The following TBC1D22A variants were observed in gnomAD, a reference collection of about 807,000 sequenced individuals.
TBC1D22A encodes putative GTPase activator.
In TBC1D22A, 38 loss-of-function variants were observed where a neutral mutation model predicts 60.2. The ratio of observed to expected loss-of-function variants is 0.63; its 90% confidence interval spans 0.49 to 0.83. TBC1D22A has a LOEUF of 0.83. TBC1D22A is among the 40% of genes least tolerant of loss of function. The pLI, the probability that TBC1D22A is intolerant of heterozygous loss-of-function variation, is 0.00. For synonymous variants in TBC1D22A, 302 were observed against 281.7 expected, an observed-to-expected ratio of 1.07 and a Z score of -0.72; for missense variants, 628 against 701.0, an observed-to-expected ratio of 0.90 and a Z score of 1.18.
intron 7 of TBC1D22A, among the ~76,000 whole-genome samples, chr22:46,906,326 G>T (rs2069462024): frequency 6.6e-6 from 1 of 152,234 alleles, no homozygotes. Flanking sequence ...AGCCTGCCCA[G>T]AATAAATGTT....
chr22:47,018,621 C>T (rs1288696710), intron 10 of TBC1D22A, among the ~76,000 whole-genome samples: 7 of 152,066 alleles, frequency 4.6e-5, no homozygotes, highest in Non-Finnish European at 4.4e-5. Flanking sequence ...TGGGCCACGT[C>T]GCTGAGCACC....
intron 4 of TBC1D22A, among the ~76,000 whole-genome samples, chr22:46,851,456 GC>G (rs997926654): frequency 6.6e-6 from 1 of 152,260 alleles, no homozygotes; most frequent in Admixed American, 6.5e-5. Context: ...GAGTGCCTGT[GC>G]CCGAGAGCCT....
At chr22:46,984,649 A>G (rs1469079439) in intron 9 of TBC1D22A, among the ~76,000 whole-genome samples, 19 of 152,176 alleles carry the variant, frequency 1.2e-4, no homozygotes. Flanking sequence ...AGTCATTTAC[A>G]TTTCCTTTCC....
intron 10 of TBC1D22A, among the ~76,000 whole-genome samples, chr22:47,027,836 G>A (rs1482094774): frequency 6.6e-6 from 1 of 152,158 alleles, no homozygotes; most frequent in Non-Finnish European, 1.5e-5. Context: ...CAGAAGTGCG[G>A]GCTGCGACAG....
At chr22:46,797,660 C>T in intron 4 of TBC1D22A, 40 bp downstream of exon 4, 6 of 1,535,298 alleles carry the variant, frequency 3.9e-6, no homozygotes, top group Non-Finnish European at 5.3e-6. Context: ...ACAGACATTT[C>T]TTGCTGTTTC....
chr22:47,003,119 C>A (rs1329245833), intron 10 of TBC1D22A, among the ~76,000 whole-genome samples: 1 of 152,126 alleles, frequency 6.6e-6, no homozygotes, highest in African/African-American at 2.4e-5. Flanking sequence ...AAATAGAGAA[C>A]GTCTAGTTAA....
At position 46,990,758 on chromosome 22, in the gene TBC1D22A, C is replaced by T. The variant is rs1280408330; in HGVS notation, c.1126-6876C>T. Among the ~76,000 whole-genome samples, 1 of 152,212 alleles carries T rather than the reference C, an allele frequency of 6.6e-6. No homozygotes were observed. The highest frequency in any genetic ancestry group is 2.4e-5 in the African/African-American group (1 of 41,444). On this transcript the variant is annotated intron_variant, in intron 9 of 12. Transcript: ENST00000337137. This position sits in a 1 kb window ranked among gnomAD's most constrained non-coding sequence, Gnocchi z 4.6. ...CAGTTGGAACCTTTTCATCCCACTGCTCCTGCTGCGGTGGCTTCTCTCCCC... is the reference window on the plus strand; with the variant it reads ...CAGTTGGAACCTTTTCATCCCACTGTTCCTGCTGCGGTGGCTTCTCTCCCC...
At chr22:46,842,059 G>A (rs2086795461) in intron 4 of TBC1D22A, among the ~76,000 whole-genome samples, 1 of 152,080 alleles carries the variant, frequency 6.6e-6, no homozygotes, top group Admixed American at 6.6e-5. Flanking sequence ...ATTATTATTT[G>A]GCCCATCCAA....
chr22:47,165,390 CTT>C (rs138682561), intron 12 of TBC1D22A, among the ~76,000 whole-genome samples: 2,711 of 152,302 alleles, frequency 0.018, 74 homozygotes, highest in African/African-American at 0.061. Flanking sequence ...TTCTGGAGCT[CTT>C]TGCACCAGCA....
At chr22:46,786,654 C>T (rs79916224) in intron 1 of TBC1D22A, among the ~76,000 whole-genome samples, 1,585 of 152,112 alleles carry the variant, frequency 0.01, 20 homozygotes, top group African/African-American at 0.033. Flanking sequence ...TTTCTTTGTG[C>T]GTAGTGTTTT....
chr22:47,123,882 G>C lies in TBC1D22A; in HGVS notation c.1425+12279G>C, dbSNP rs141751816. On this transcript the variant is annotated intron_variant, in intron 12 of 12. Coordinates refer to ENST00000337137, the MANE Select transcript of TBC1D22A (RefSeq NM_014346.5). ...AGATCAGGTTTGTGTTGCTGTGTGG[G>C]GTTTGTGTTGCTGTGTGGGGTTTGT... is the stretch of plus-strand genomic sequence containing the variant. 7.3e-3 allele frequency among the ~76,000 whole-genome samples: 1,114 copies of C among 152,192 alleles called. 15 individuals are homozygous for C. The highest frequency in any genetic ancestry group is 0.025 in the African/African-American group (1,048 of 41,526).
At chr22:47,048,283 G>A (rs1173387649) in intron 11 of TBC1D22A, among the ~76,000 whole-genome samples, 2 of 152,122 alleles carry the variant, frequency 1.3e-5, no homozygotes, top group African/African-American at 2.4e-5. Context: ...AGCACTTACC[G>A]GGTCAGCCCA....
intron 11 of TBC1D22A, among the ~76,000 whole-genome samples, chr22:47,090,661 G>T (rs1228576196): frequency 6.6e-6 from 1 of 152,172 alleles, no homozygotes; most frequent in African/African-American, 2.4e-5. Flanking sequence ...GGTTGCAGTT[G>T]ACAGTAGCGG....
chr22:46,889,634 A>G (rs1393098683), intron 5 of TBC1D22A, among the ~76,000 whole-genome samples: 1 of 152,232 alleles, frequency 6.6e-6, no homozygotes, highest in African/African-American at 2.4e-5. Flanking sequence ...AAACTGGTGG[A>G]TCCGTTCAAC....
intron 11 of TBC1D22A, among the ~76,000 whole-genome samples, chr22:47,109,157 A>G (rs186037628): frequency 9.8e-5 from 15 of 152,328 alleles, no homozygotes; most frequent in Admixed American, 9.1e-4. Flanking sequence ...GGTCATAAGT[A>G]TTTGTACTGT....
chr22:46,904,873 C>T (rs899946473), intron 7 of TBC1D22A, among the ~76,000 whole-genome samples: 3 of 151,590 alleles, frequency 2.0e-5, no homozygotes, highest in South Asian at 2.1e-4. Flanking sequence ...CTCCCGGGTT[C>T]GCGCCATTCT....
intron 8 of TBC1D22A, among the ~76,000 whole-genome samples, chr22:46,944,195 C>T (rs971942532): frequency 6.6e-6 from 1 of 152,310 alleles, no homozygotes; most frequent in African/African-American, 2.4e-5. Flanking sequence ...CCTGTCAGCA[C>T]TTACTATTGT....
At chr22:46,826,782 C>T (rs988952022) in intron 4 of TBC1D22A, among the ~76,000 whole-genome samples, 2 of 151,862 alleles carry the variant, frequency 1.3e-5, no homozygotes, top group African/African-American at 4.9e-5. Flanking sequence ...CTGGACAATC[C>T]CATAGCACCC....
At chr22:46,873,465 A>G (rs544519758) in intron 4 of TBC1D22A, among the ~76,000 whole-genome samples, 45 of 152,314 alleles carry the variant, frequency 3.0e-4, no homozygotes, top group Non-Finnish European at 5.1e-4. Context: ...AAATGGTGCA[A>G]TCACTTTAAA....
Sources: gnomAD v4.1 joint callset for allele counts (sites outside exome capture counted in the v4.1 genomes callset) on GRCh38, gnomAD v4.1.1 for gene constraint, Gnocchi (gnomAD v3.1) non-coding constraint, MANE v1.5 for transcripts, NCBI Gene and HGNC (gene_info 2026-07-23, HGNC 2026-07-21) for gene names.